The following ULK1 variants were observed in gnomAD, a reference collection of about 807,000 sequenced individuals.
ULK1 encodes unc-51 like autophagy activating kinase 1, also known as serine/threonine-protein kinase ULK1.
A neutral mutation model predicts 117.5 loss-of-function variants in ULK1; 48 were observed. That is an observed-to-expected ratio of 0.41 (90% CI 0.32 to 0.52). The LOEUF is 0.52. ULK1 is among the 20% of genes least tolerant of loss of function. ULK1 has a pLI of 0.29. For synonymous variants in ULK1, 790 were observed against 637.8 expected (o/e 1.24, Z -3.60); for missense variants, 1,387 against 1,473.4 (o/e 0.94, Z 0.96).
rs1427531233 is a variant in ULK1, at chr12:131,922,247, G to C, written c.*886G>C. ...AGGGCGAGGACTGGGCCAGGTTAGA[G>C]GCAGATGGCACAGGGGCGTGTGGCG... On this transcript the variant is annotated 3_prime_UTR_variant, in exon 28 of 28. Coordinates refer to ENST00000321867, the MANE Select transcript of ULK1 (RefSeq NM_003565.4). 2.8e-6 allele frequency: 1 copy of C among 356,876 alleles called. No homozygotes were observed. Among genetic ancestry groups the C allele is most frequent in the East Asian group, 7.4e-5 (1 of 13,472 alleles). 22.1% of individuals were successfully genotyped at this position (356,876 alleles called of 1,614,324 possible).
intron 16 of ULK1, 75 bp from the exon 17 acceptor site, chr12:131,915,008 C>G (rs569783560): frequency 1.3e-6 from 2 of 1,499,486 alleles, no homozygotes; most frequent in African/African-American, 2.8e-5. Flanking sequence ...CCTGCCTTGT[C>G]CCCAGGTCCT....
chr12:131,919,634 A>G (rs1339583599), intron 25 of ULK1, 44 bp downstream of exon 25: 1 of 1,592,496 alleles, frequency 6.3e-7, no homozygotes, highest in Admixed American at 1.7e-5. Flanking sequence ...GTTGGGGAGG[A>G]AGCCCACCTT....
intron 3 of ULK1, among the ~76,000 whole-genome samples, chr12:131,904,210 G>C (rs575822776): frequency 2.6e-5 from 4 of 152,302 alleles, no homozygotes; most frequent in African/African-American, 7.2e-5. Context: ...GCAGTGGCAC[G>C]ATCTCCCGGC....
intron 11 of ULK1, 54 bp from the exon 12 acceptor site, chr12:131,910,658 G>C: frequency 1.2e-6 from 2 of 1,612,834 alleles, no homozygotes; most frequent in African/African-American, 2.7e-5. Flanking sequence ...TTGGCTCGAG[G>C]GTGAGGAGGA....
At chr12:131,911,008 C>CG in intron 12 of ULK1, among the ~76,000 whole-genome samples, 1 of 152,326 alleles carries the variant, frequency 6.6e-6, no homozygotes, top group Non-Finnish European at 1.5e-5. Flanking sequence ...TCCCAGAGGC[C>CG]GATAGGGCGG....
At chr12:131,916,769 A>C (rs6598174) in intron 20 of ULK1, among the ~76,000 whole-genome samples, 178 bp downstream of exon 20, 151,379 of 152,262 alleles carry the variant, frequency 0.99, 75,256 homozygotes, top group Middle Eastern at 1. Context: ...CCCTAGACCC[A>C]CAGCAGGTCC....
rs566775249 is a variant in ULK1 at position 131,907,181 on chromosome 12, G to A, written c.279+257G>A. On this transcript the variant is annotated intron_variant, in intron 4 of 27. Coordinates refer to ENST00000321867, the MANE Select transcript of ULK1 (RefSeq NM_003565.4). ...ATTACAGGTGTGTGCCACCACGCCC[G>A]GCTAATTTTTATACTTTTAGTAGAG... Among the ~76,000 whole-genome samples the A allele has an allele frequency of 3.7e-3, 569 of 152,242 alleles. 5 individuals carry two copies. Among genetic ancestry groups the A allele is most frequent in the African/African-American group, 0.013 (531 of 41,548 alleles).
intron 16 of ULK1, 61 bp downstream of exon 16, chr12:131,914,538 C>G (rs1889688779): frequency 1.3e-6 from 2 of 1,563,820 alleles, no homozygotes; most frequent in South Asian, 2.3e-5. Context: ...AGGAGCCCTT[C>G]CACGGCTCCC....
intron 8 of ULK1, among the ~76,000 whole-genome samples, 188 bp downstream of exon 8, chr12:131,909,425 C>T (rs1473296076): frequency 6.6e-6 from 1 of 152,162 alleles, no homozygotes; most frequent in East Asian, 1.9e-4. Context: ...GCGGCGCCGC[C>T]GGCGGTGACT....
At chr12:131,915,758 G>T in intron 18 of ULK1, 133 bp from the exon 19 acceptor site, 1 of 1,265,440 alleles carries the variant, frequency 7.9e-7, no homozygotes, top group Non-Finnish European at 1.1e-6. Flanking sequence ...GACAGGGCGA[G>T]ACCCCGTCTC....
chr12:131,895,856 C>A lies in ULK1; in HGVS notation c.246+32C>A, dbSNP rs576862898. 5.0e-4 allele frequency: 800 copies of A among 1,613,550 alleles called. 10 individuals are homozygous for A. The South Asian group carries it at 8.4e-3, about 17-fold the overall frequency. Reference sequence around the variant, plus strand: ...CCTCTGGGCTGCGGTCTGCTGGGGACCGGGCTGGGGGACTGTGGCCCCAGG... The same window carrying A: ...CCTCTGGGCTGCGGTCTGCTGGGGAACGGGCTGGGGGACTGTGGCCCCAGG... On this transcript the variant is annotated intron_variant, in intron 3 of 27. Coordinates refer to ENST00000321867, the MANE Select transcript of ULK1 (RefSeq NM_003565.4).
At position 131,917,505 on chromosome 12, in the gene ULK1, C is replaced by T; in HGVS notation, c.2277C>T (p.Pro759=). 6 of 1,476,800 alleles carry T rather than the reference C, an allele frequency of 4.1e-6. No individual in the cohort carries two copies. The highest frequency in any genetic ancestry group is 5.4e-6 in the Non-Finnish European group (6 of 1,111,768). 91.5% of individuals were successfully genotyped at this position (1,476,800 alleles called of 1,614,324 possible). ...PSPVVFTVGS[P]PSGSTPPQGP... ...CGGTGGTCTTCACCGTGGGCTCTCC[C>T]CCGAGCGGGAGCACGCCCCCCCAGG... The change falls in exon 22 of 28, where the codon CCC becomes CCT. Residue 759 remains proline, a synonymous_variant. Transcript: ENST00000321867.
At position 131,909,118 on chromosome 12, in the gene ULK1, C is replaced by G. The variant is rs369403948; in HGVS notation, c.565-18C>G. The G allele has an allele frequency of 1.9e-6, 3 of 1,601,614 alleles. No individual in the cohort carries two copies. In the African/African-American group the frequency reaches 4.0e-5, roughly 21 times the overall value. On this transcript the variant is annotated intron_variant, in intron 7 of 27. Transcript: ENST00000321867. ...GGCGTGCGGGGGCCTCACACTGACC[C>G]GACTTCTGGTCCCGCAGGCCCCCGA... is the stretch of plus-strand genomic sequence containing the variant.
At position 131,910,277 on chromosome 12, in the gene ULK1, C is replaced by G; in HGVS notation, c.832C>G (p.Leu278Val). Reference sequence around the variant, plus strand: ...AGATGAGTTTTTTCATCACCCTTTCCTCGATGCCAGCCCCTCGGTCAGGAA... The same window carrying G: ...AGATGAGTTTTTTCATCACCCTTTCGTCGATGCCAGCCCCTCGGTCAGGAA... The part of the protein sequence containing the change: ...DFDEFFHHPF[L>V]DASPSVRKSP... Residue 278 changes from leucine (L) to valine (V), a missense_variant, in exon 11 of 28, where the codon CTC becomes GTC. Physicochemically the swap from Leu to Val is conservative, Grantham distance 32. Coordinates refer to ENST00000321867, the MANE Select transcript of ULK1 (RefSeq NM_003565.4). 2 of 1,613,838 alleles carry G rather than the reference C, an allele frequency of 1.2e-6. No individual in the cohort carries two copies. Among genetic ancestry groups the G allele is most frequent in the Non-Finnish European group, 1.7e-6 (2 of 1,179,992 alleles).
intron 3 of ULK1, among the ~76,000 whole-genome samples, chr12:131,901,885 C>T: frequency 6.6e-6 from 1 of 152,072 alleles, no homozygotes; most frequent in South Asian, 2.1e-4. Context: ...GCTTACACCC[C>T]CTGCACCCCC....
rs1403970701 is a variant in ULK1, at chr12:131,902,665, C to T, written c.247-4227C>T. Among the ~76,000 whole-genome samples, 1 of 152,038 alleles carries T rather than the reference C, an allele frequency of 6.6e-6. No individual in the cohort carries two copies. The highest frequency in any genetic ancestry group is 1.5e-5 in the Non-Finnish European group (1 of 68,000). ...TCCCTGTTTCCTCCCTTTAAATAGG[C>T]GGCAAGTTGGGACCCACCTCCCGGG... On this transcript the variant is annotated intron_variant, in intron 3 of 27. Transcript: ENST00000321867. The surrounding 1 kb of genome is among the most constrained non-coding windows in gnomAD (Gnocchi z 6.3).
At chr12:131,906,173 A>G (rs1320531521) in intron 3 of ULK1, among the ~76,000 whole-genome samples, 2 of 151,882 alleles carry the variant, frequency 1.3e-5, no homozygotes, top group Non-Finnish European at 2.9e-5. Context: ...GGCTCACTGC[A>G]GCCTTCTCCT....
chr12:131,916,747 A>G (rs1268413821), intron 20 of ULK1, among the ~76,000 whole-genome samples, 156 bp downstream of exon 20: 3 of 151,834 alleles, frequency 2.0e-5, no homozygotes, highest in Non-Finnish European at 4.4e-5. Context: ...AGCCTGGCCC[A>G]CCTGTGGCTG....
rs1480940821 is a variant in ULK1 at position 131,894,991 on chromosome 12, C to T, written c.-11C>T. 4 of 1,406,542 alleles carry T rather than the reference C, an allele frequency of 2.8e-6. No individual in the cohort carries two copies. Among genetic ancestry groups the T allele is most frequent in the South Asian group, 1.4e-5 (1 of 70,582 alleles). 87.1% of individuals were successfully genotyped at this position (1,406,542 alleles called of 1,614,324 possible). A position where few individuals can be genotyped will look rare whatever the true frequency, so the allele number is the denominator to read the frequency against. ...CCACCCCCCGCCCCGCGCCCCCGGCCCGCCTGCGCCATGGAGCCCGGCCGC... is the reference window on the plus strand; with the variant it reads ...CCACCCCCCGCCCCGCGCCCCCGGCTCGCCTGCGCCATGGAGCCCGGCCGC... On this transcript the variant is annotated 5_prime_UTR_variant, in exon 1 of 28. Coordinates refer to ENST00000321867, the MANE Select transcript of ULK1 (RefSeq NM_003565.4).
Sources: gnomAD v4.1 joint callset for allele counts (sites outside exome capture counted in the v4.1 genomes callset) on GRCh38, gnomAD v4.1.1 for gene constraint, Gnocchi (gnomAD v3.1) non-coding constraint, MANE v1.5 for transcripts, NCBI Gene and HGNC (gene_info 2026-07-23, HGNC 2026-07-21) for gene names.